FAM177A1: variants seen among roughly 807,000 people sequenced by gnomAD.
FAM177A1 encodes family with sequence similarity 177 member A1.
FAM177A1 carries 22 observed loss-of-function variants against 26.1 expected under a neutral mutation model. That is an observed-to-expected ratio of 0.84 (90% CI 0.60 to 1.20). The LOEUF is 1.20. Ranked by LOEUF, FAM177A1 falls within the 50% of genes most tolerant of loss-of-function variation. The pLI is 0.00. For missense variants in FAM177A1, 296 were observed against 291.1 expected (o/e 1.02, Z -0.12); for synonymous variants, 95 against 99.3 (o/e 0.96, Z 0.26).
chr14:35,078,912 CTT>C lies in FAM177A1; in HGVS notation c.407-12_407-11del, dbSNP rs770338620. On this transcript the variant is annotated splice_polypyrimidine_tract_variant and intron_variant, in intron 3 of 4. Coordinates refer to ENST00000280987, the MANE Select transcript of FAM177A1 (RefSeq NM_173607.5). Reference sequence around the variant, plus strand: ...TTATAGAATTATATAAGTCTTTTAACTTTTGTATTTTCAGTGTGTGACTTCCT... The same window carrying C: ...TTATAGAATTATATAAGTCTTTTAACTTGTATTTTCAGTGTGTGACTTCCT... 4 of 1,508,208 alleles carry C rather than the reference CTT, an allele frequency of 2.7e-6. No individual in the cohort carries two copies. In the African/African-American group the frequency reaches 5.8e-5, roughly 22 times the overall value. The allele number at this position is 1,508,208 out of a possible 1,614,324, so 93.4% of individuals were successfully genotyped here.
At position 35,081,757 on chromosome 14, in the gene FAM177A1, TG is replaced by T. The variant is rs2045487807; in HGVS notation, c.*530del. 2 of 152,294 alleles carry T rather than the reference TG, an allele frequency of 1.3e-5. No homozygotes were observed. The highest frequency in any genetic ancestry group is 2.9e-5 in the Non-Finnish European group (2 of 68,088). The allele number at this position is 152,294 out of a possible 1,614,324, so 9.4% of individuals were successfully genotyped here. A position where few individuals can be genotyped will look rare whatever the true frequency, so the allele number is the denominator to read the frequency against. On this transcript the variant is annotated 3_prime_UTR_variant, in exon 5 of 5. Coordinates refer to ENST00000280987, the MANE Select transcript of FAM177A1 (RefSeq NM_173607.5). ...TGAATTTTCTTTCATTGAGAATAACTGTTTTATGTAAGAATCTGTATTTATA... is the reference window on the plus strand; with the variant it reads ...TGAATTTTCTTTCATTGAGAATAACTTTTTATGTAAGAATCTGTATTTATA...
At chr14:35,059,363 A>G (rs544607106) in intron 2 of FAM177A1, among the ~76,000 whole-genome samples, 3 of 151,988 alleles carry the variant, frequency 2.0e-5, no homozygotes, top group African/African-American at 4.8e-5. Flanking sequence ...CAATCTAACA[A>G]TCTCTGCCCT....
At chr14:35,048,112 G>GACAACATGAATTGATAA (rs1003239545) in intron 1 of FAM177A1, among the ~76,000 whole-genome samples, 2 of 152,144 alleles carry the variant, frequency 1.3e-5, no homozygotes, top group African/African-American at 4.8e-5. Context: ...GGATTCAGGG[G>GACAACATGAATTGATAA]ACAACATGAA....
intron 2 of FAM177A1, among the ~76,000 whole-genome samples, chr14:35,058,734 T>C (rs1452794959): frequency 6.6e-6 from 1 of 152,040 alleles, no homozygotes; most frequent in Non-Finnish European, 1.5e-5. Flanking sequence ...ACATTAGCCA[T>C]GCGTGGTGGC....
intron 2 of FAM177A1, among the ~76,000 whole-genome samples, chr14:35,058,631 T>C (rs574270129): frequency 1.2e-4 from 19 of 152,136 alleles, no homozygotes; most frequent in Non-Finnish European, 2.5e-4. Flanking sequence ...TCCCAGCACT[T>C]TGGGAGGCTG....
chr14:35,072,229 C>T (rs753455401), intron 2 of FAM177A1, among the ~76,000 whole-genome samples: 2 of 151,308 alleles, frequency 1.3e-5, no homozygotes, highest in African/African-American at 4.9e-5. Context: ...GAGCCGAGAT[C>T]GCAACATTGC....
intron 3 of FAM177A1, 76 bp from the exon 4 acceptor site, chr14:35,078,851 A>G (rs2045435734): frequency 2.1e-6 from 2 of 960,510 alleles, no homozygotes; most frequent in South Asian, 2.1e-5. Flanking sequence ...TTGTATTCCT[A>G]CAGTGTCTTA....
In FAM177A1 at chr14:35,081,263, T is replaced by A. The variant is rs762132442; in HGVS notation, c.*35T>A. The A allele has an allele frequency of 1.4e-5, 21 of 1,520,874 alleles. No individual in the cohort carries two copies. Among genetic ancestry groups the A allele is most frequent in the Non-Finnish European group, 1.7e-5 (19 of 1,134,538 alleles). The allele number at this position is 1,520,874 out of a possible 1,614,324, so 94.2% of individuals were successfully genotyped here. A position where few individuals can be genotyped will look rare whatever the true frequency, so the allele number is the denominator to read the frequency against. On this transcript the variant is annotated 3_prime_UTR_variant, in exon 5 of 5. Transcript: ENST00000280987. ...ACTATCAAGCTTCAAACTCTTAAGT[T>A]TTTTTTTTTTAATACAAAAACTTTC...
chr14:35,076,130 G>A (rs888383519), intron 2 of FAM177A1, among the ~76,000 whole-genome samples: 41 of 152,118 alleles, frequency 2.7e-4, no homozygotes, highest in African/African-American at 9.9e-4. Context: ...TTGCTATAAA[G>A]ACACATACAC....
intron 2 of FAM177A1, among the ~76,000 whole-genome samples, chr14:35,057,046 C>G (rs148736841): frequency 1.4e-3 from 219 of 152,174 alleles, no homozygotes; most frequent in African/African-American, 5.1e-3. Context: ...TTTCTGTTCT[C>G]TATTAATTTC....
At chr14:35,065,355 A>ATTT (rs1566671548) in intron 2 of FAM177A1, among the ~76,000 whole-genome samples, 1 of 135,224 alleles carries the variant, frequency 7.4e-6, no homozygotes, top group African/African-American at 3.0e-5. Flanking sequence ...TTTCCATTGA[A>ATTT]TCTTTTTTTT....
At chr14:35,074,489 C>CAAAATACAAAAAAAAAAA (rs2045366218) in intron 2 of FAM177A1, among the ~76,000 whole-genome samples, 1 of 151,860 alleles carries the variant, frequency 6.6e-6, no homozygotes, top group Non-Finnish European at 1.5e-5. Context: ...CCATGCCTGG[C>CAAAATACAAAAAAAAAAA]TAATTTTTGT....
intron 2 of FAM177A1, among the ~76,000 whole-genome samples, chr14:35,057,174 G>A (rs2045074768): frequency 1.3e-5 from 2 of 152,110 alleles, no homozygotes; most frequent in African/African-American, 2.4e-5. Flanking sequence ...GGGCATTTAC[G>A]AATACAAGTT....
rs563216648 is a variant in FAM177A1, at chr14:35,048,551, A to G, written c.165+1923A>G. Among the ~76,000 whole-genome samples, 160 of 148,860 alleles carry G rather than the reference A, an allele frequency of 1.1e-3. 1 individual carries two copies. The highest frequency in any genetic ancestry group is 3.6e-3 in the Middle Eastern group (1 of 280). On this transcript the variant is annotated intron_variant, in intron 1 of 4. Transcript: ENST00000280987. ...CTGGAATTTTATCATTCAATATTAT[A>G]TATTTCTTATATATTATATATATTA...
intron 3 of FAM177A1, among the ~76,000 whole-genome samples, chr14:35,077,921 T>C (rs987276083): frequency 2.6e-5 from 4 of 152,246 alleles, no homozygotes; most frequent in African/African-American, 7.2e-5. Flanking sequence ...TTCATTAATA[T>C]TCCATTTCTT....
rs1332958063 is a variant in FAM177A1 at position 35,046,536 on chromosome 14, G to T, written c.73G>T (p.Asp25Tyr). ...ASSPVVATTM[D>Y]QEPVGGVERG... is the part of the protein sequence containing the mutation. Reference sequence around the variant, plus strand: ...CAGCCCTGTGGTGGCGACGACGATGGACCAGGAGCCAGTGGGCGGTGTGGA... The same window carrying T: ...CAGCCCTGTGGTGGCGACGACGATGTACCAGGAGCCAGTGGGCGGTGTGGA... The change falls in exon 1 of 5, where the codon GAC becomes TAC. Residue 25 changes from aspartate (D) to tyrosine (Y), a missense_variant. Coordinates refer to ENST00000280987, the MANE Select transcript of FAM177A1 (RefSeq NM_173607.5). The T allele has an allele frequency of 1.9e-6, 3 of 1,602,854 alleles. No individual in the cohort carries two copies. The highest frequency in any genetic ancestry group is 2.7e-5 in the African/African-American group (2 of 74,570).
chr14:35,050,293 G>A lies in FAM177A1; in HGVS notation c.166-2985G>A, dbSNP rs1434177020. Reference sequence around the variant, plus strand: ...CAAAGTGCTGGGGTTACAAGCATGAGCCACCATGCCCAGCCACAGTGTAAA... The same window carrying A: ...CAAAGTGCTGGGGTTACAAGCATGAACCACCATGCCCAGCCACAGTGTAAA... On this transcript the variant is annotated intron_variant, in intron 1 of 4. Transcript: ENST00000280987. The A allele has an allele frequency of 3.9e-5, 6 of 152,270 alleles. No individual in the cohort carries two copies. In the East Asian group the frequency reaches 9.7e-4, roughly 25 times the overall value. The allele number at this position is 152,270 out of a possible 1,614,324, so 9.4% of individuals were successfully genotyped here.
chr14:35,052,754 G>A (rs1170777547), intron 1 of FAM177A1, among the ~76,000 whole-genome samples: 1 of 151,966 alleles, frequency 6.6e-6, no homozygotes, highest in Non-Finnish European at 1.5e-5. Context: ...GCCAGACACT[G>A]TCCCTATAGA....
chr14:35,064,346 G>A lies in FAM177A1; in HGVS notation c.339+10895G>A, dbSNP rs185664683. Among the ~76,000 whole-genome samples the A allele has an allele frequency of 3.6e-4, 54 of 152,034 alleles. 1 individual carries two copies. In the East Asian group the frequency reaches 4.4e-3, roughly 13 times the overall value. ...AGGTTGCAGTGAGCCGAGATCGAGC[G>A]ACTGCACTCCAGCCTGGGCAACAGA... is the stretch of plus-strand genomic sequence containing the variant. On this transcript the variant is annotated intron_variant, in intron 2 of 4. Coordinates refer to ENST00000280987, the MANE Select transcript of FAM177A1 (RefSeq NM_173607.5).
Sources: gnomAD v4.1 joint callset for allele counts (sites outside exome capture counted in the v4.1 genomes callset) on GRCh38, gnomAD v4.1.1 for gene constraint, MANE v1.5 for transcripts, NCBI Gene and HGNC (gene_info 2026-07-23, HGNC 2026-07-21) for gene names.